The following CERS3 variants were observed in gnomAD, a reference collection of about 807,000 sequenced individuals.
CERS3 encodes LAG1 homolog, ceramide synthase 3.
Under a neutral mutation model 50.3 loss-of-function variants are expected in CERS3, and 33 were observed. The ratio of observed to expected loss-of-function variants is 0.66; its 90% CI spans 0.50 to 0.88. The LOEUF (loss-of-function observed/expected upper bound fraction) is 0.88. Among genes scored for constraint, CERS3 ranks in the 40% least tolerant of loss-of-function variants. CERS3 has a pLI of 0.00. For synonymous variants in CERS3, 176 were observed against 155.2 expected (o/e 1.13, Z -0.99); for missense variants, 470 against 460.3 (o/e 1.02, Z -0.19).
intron 2 of CERS3, among the ~76,000 whole-genome samples, chr15:100,513,585 T>G (rs1371723937): frequency 6.7e-6 from 1 of 150,228 alleles, no homozygotes; most frequent in Non-Finnish European, 1.5e-5. Flanking sequence ...TCACCCAGGC[T>G]GGAGTTTAGT....
chr15:100,451,199 T>C (rs982310564), intron 11 of CERS3, among the ~76,000 whole-genome samples: 4 of 151,772 alleles, frequency 2.6e-5, no homozygotes, highest in Non-Finnish European at 4.4e-5. Context: ...ACCACAATGA[T>C]AAACAGTAAG....
intron 10 of CERS3, among the ~76,000 whole-genome samples, chr15:100,461,981 G>C (rs990548744): frequency 3.3e-5 from 5 of 151,976 alleles, no homozygotes; most frequent in African/African-American, 1.2e-4. Context: ...AGAAGACTGG[G>C]AAAAAGAAAA....
rs1217602155 is a variant in CERS3 at position 100,403,742 on chromosome 15, T to C, written c.1000-877A>G. ...CATATAACTATGAAGGACATTTAAT[T>C]TGTAATCAAAAACCTGAAAAACAGC... On this transcript the variant is annotated intron_variant, in intron 11 of 11. Coordinates refer to ENST00000679737, the MANE Select transcript of CERS3 (RefSeq NM_001378789.1). Among the ~76,000 whole-genome samples the C allele has an allele frequency of 4.2e-4, 64 of 152,210 alleles. 2 individuals carry two copies. The highest frequency in any genetic ancestry group is 4.2e-3 in the Admixed American group (64 of 15,276).
chr15:100,465,772 T>C (rs567115582), intron 10 of CERS3, among the ~76,000 whole-genome samples: 8 of 152,036 alleles, frequency 5.3e-5, no homozygotes, highest in South Asian at 2.1e-4. Flanking sequence ...GATTCTCCTG[T>C]CTCAGCCTCC....
At position 100,455,947 on chromosome 15, in the gene CERS3, G is replaced by T. The variant is rs1461943366; in HGVS notation, c.945C>A (p.His315Gln). The T allele has an allele frequency of 1.2e-6, 2 of 1,613,268 alleles. No individual in the cohort carries two copies. Among genetic ancestry groups the T allele is most frequent in the African/African-American group, 1.3e-5 (1 of 74,984 alleles). ...TCAAGATGTAATAACCCCAGTAAAG[G>T]TGAAGGACCTGCAAGATCATGAGCT... ...NLQLMILQVLHLYWGYYILKM... is the reference protein window; with the variant it reads ...NLQLMILQVLQLYWGYYILKM... Residue 315 changes from histidine (H) to glutamine (Q), a missense_variant, in exon 11 of 12, where the codon CAC (histidine) becomes CAA (glutamine). Transcript: ENST00000679737.
chr15:100,478,296 C>G (rs549385144), intron 7 of CERS3, among the ~76,000 whole-genome samples: 9 of 152,228 alleles, frequency 5.9e-5, no homozygotes, highest in Admixed American at 5.9e-4. Context: ...AACTGGACAA[C>G]AGGAAAGTAG....
chr15:100,402,788 G>T lies in CERS3; in HGVS notation c.1077C>A (p.Gly359=). The T allele has an allele frequency of 6.2e-7, 1 of 1,614,136 alleles. No homozygotes were observed. The highest frequency in any genetic ancestry group is 1.7e-5 in the Admixed American group (1 of 60,026). The change falls in exon 12 of 12, where the codon GGC becomes GGA. Residue 359 remains glycine (G), a synonymous_variant. Transcript: ENST00000679737. ...CGTTCTTTAAACAATCCATCTCTTT[G>T]CCTTTGGTAGCCTCTTCTTCTTCCT... ...EEEEEEEATK[G]KEMDCLKNGL...
intron 2 of CERS3, among the ~76,000 whole-genome samples, chr15:100,516,704 T>G (rs919324194): frequency 3.3e-5 from 5 of 152,224 alleles, no homozygotes; most frequent in African/African-American, 1.2e-4. Context: ...CTCTCACTAC[T>G]GGATATAGAT....
At chr15:100,464,425 C>T (rs2034648837) in intron 10 of CERS3, among the ~76,000 whole-genome samples, 1 of 152,126 alleles carries the variant, frequency 6.6e-6, no homozygotes, top group African/African-American at 2.4e-5. Context: ...AGAAATGAAG[C>T]AACAAGCCAC....
intron 1 of CERS3, among the ~76,000 whole-genome samples, chr15:100,534,277 CT>C (rs1481757475): frequency 3.9e-5 from 6 of 152,294 alleles, no homozygotes; most frequent in African/African-American, 1.4e-4. Flanking sequence ...TTCTTTTTAG[CT>C]GTGTGACTCC....
chr15:100,536,485 A>T (rs921714982), intron 1 of CERS3, among the ~76,000 whole-genome samples: 1 of 152,084 alleles, frequency 6.6e-6, no homozygotes, highest in African/African-American at 2.4e-5. Context: ...AGGTTTCACC[A>T]TGTTGCCCAG....
chr15:100,404,682 C>T (rs2142041549), intron 11 of CERS3, among the ~76,000 whole-genome samples: 1 of 152,166 alleles, frequency 6.6e-6, no homozygotes, highest in South Asian at 2.1e-4. Context: ...TTCTGAAAAA[C>T]ATAATAAAAT....
intron 11 of CERS3, among the ~76,000 whole-genome samples, chr15:100,450,416 CAAAAAAAAAAA>C (rs34873483): frequency 1.6e-5 from 1 of 63,428 alleles, no homozygotes; most frequent in East Asian, 4.8e-4. Flanking sequence ...GACTCTGTCT[CAAAAAAAAAAA>C]AAAAAAAAAA....
chr15:100,538,561 C>T (rs926398324), intron 1 of CERS3, among the ~76,000 whole-genome samples: 1 of 152,250 alleles, frequency 6.6e-6, no homozygotes, highest in African/African-American at 2.4e-5. Flanking sequence ...GAAGCAATGG[C>T]CTGGGCTCTA....
At chr15:100,529,334 C>G (rs1489948558), upstream of CERS3, 1 of 152,226 alleles carries the variant, frequency 6.6e-6, no homozygotes, top group Non-Finnish European at 1.5e-5. Context: ...AACTAAATCA[C>G]CACCATGCCA....
intron 10 of CERS3, among the ~76,000 whole-genome samples, chr15:100,457,288 T>C (rs2034405015): frequency 6.6e-6 from 1 of 152,348 alleles, no homozygotes; most frequent in Admixed American, 6.5e-5. Flanking sequence ...ACAATTAGGA[T>C]ACAGAACAGC....
Position 100,472,952 on chromosome 15 carries a change from A to G in CERS3, c.710T>C (p.Val237Ala). 6.2e-7 allele frequency: 1 copy of G among 1,614,074 alleles called. No homozygotes were observed. Among genetic ancestry groups the G allele is most frequent in the Non-Finnish European group, 8.5e-7 (1 of 1,179,944 alleles). ...CAGCCAAATGTCAGCCACATCGTGTACAATCATCACGAGGGTCCCACTGCG... is the reference window on the plus strand; with the variant it reads ...CAGCCAAATGTCAGCCACATCGTGTGCAATCATCACGAGGGTCCCACTGCG... ...YIRSGTLVMI[V>A]HDVADIWLES... Residue 237 changes from valine to alanine, a missense_variant, in exon 9 of 12, where the codon GTA becomes GCA. Coordinates refer to ENST00000679737, the MANE Select transcript of CERS3 (RefSeq NM_001378789.1).
At chr15:100,405,891 A>T (rs1186044521) in intron 11 of CERS3, among the ~76,000 whole-genome samples, 1 of 152,266 alleles carries the variant, frequency 6.6e-6, no homozygotes, top group Non-Finnish European at 1.5e-5. Context: ...TTCCCCACTA[A>T]CACTTGCAAA....
intron 4 of CERS3, 170 bp downstream of exon 4, chr15:100,490,647 T>C: frequency 1.8e-6 from 1 of 563,836 alleles, no homozygotes; most frequent in East Asian, 3.0e-5. Context: ...GTATCACACT[T>C]GGGATGTTCT....
Sources: allele counts gnomAD v4.1 joint callset (sites outside exome capture counted in the v4.1 genomes callset), GRCh38; gene constraint gnomAD v4.1.1; transcripts MANE v1.5; gene names NCBI Gene and HGNC (gene_info 2026-07-23, HGNC 2026-07-21).